Variants in MAGI1 observed in about 807,000 individuals in gnomAD.
The protein encoded by MAGI1 is membrane-associated guanylate kinase, WW and PDZ domain-containing protein 1.
A neutral mutation model predicts 139.9 loss-of-function variants in MAGI1; 58 were observed. The observed-to-expected ratio is 0.41, with a 90% confidence interval of 0.34 to 0.52. The LOEUF is 0.52. MAGI1 is among the 20% of genes least tolerant of loss of function. The pLI is 0.12. For missense variants in MAGI1, 1,874 were observed against 1,901.6 expected (o/e 0.99, Z 0.27); for synonymous variants, 812 against 737.9 (o/e 1.10, Z -1.63).
intron 1 of MAGI1, among the ~76,000 whole-genome samples, chr3:65,842,116 C>T (rs1313174180): frequency 2.0e-5 from 3 of 152,182 alleles, no homozygotes; most frequent in South Asian, 4.1e-4. Context: ...ACTGCCATTT[C>T]TCAAACGTCA....
At chr3:65,572,867 G>C (rs1365307968) in intron 2 of MAGI1, among the ~76,000 whole-genome samples, 1 of 151,382 alleles carries the variant, frequency 6.6e-6, no homozygotes, top group Non-Finnish European at 1.5e-5. Context: ...GCAGCAACTA[G>C]ATCATAGGAA....
At chr3:65,538,588 G>A (rs1432019015) in intron 2 of MAGI1, among the ~76,000 whole-genome samples, 1 of 152,122 alleles carries the variant, frequency 6.6e-6, no homozygotes, top group African/African-American at 2.4e-5. Context: ...AATACAATAT[G>A]AAGGATATCA....
chr3:65,991,445 A>G (rs1050903456), intron 1 of MAGI1, among the ~76,000 whole-genome samples: 5 of 152,048 alleles, frequency 3.3e-5, no homozygotes, highest in Non-Finnish European at 7.3e-5. Flanking sequence ...CAATGGTACT[A>G]TGAAAGTGTT....
chr3:65,729,218 A>G (rs1396189540), intron 1 of MAGI1, among the ~76,000 whole-genome samples: 1 of 148,264 alleles, frequency 6.7e-6, no homozygotes, highest in Non-Finnish European at 1.5e-5. Flanking sequence ...CTGCTTATCT[A>G]TTCCTGACAG....
At chr3:65,667,280 G>A (rs2086591932) in intron 1 of MAGI1, among the ~76,000 whole-genome samples, 1 of 152,176 alleles carries the variant, frequency 6.6e-6, no homozygotes, top group African/African-American at 2.4e-5. Flanking sequence ...GGACCAGCAT[G>A]GGAGGGGAGG....
At chr3:65,839,174 T>C (rs1231383902) in intron 1 of MAGI1, among the ~76,000 whole-genome samples, 2 of 152,162 alleles carry the variant, frequency 1.3e-5, no homozygotes, top group African/African-American at 4.8e-5. Context: ...AAAATTACAA[T>C]GGAGCTGAAA....
In MAGI1 at chr3:66,012,864, G is replaced by C. The variant is rs548022851; in HGVS notation, c.313+25132C>G. On this transcript the variant is annotated intron_variant, in intron 1 of 22. Coordinates refer to ENST00000402939, the MANE Select transcript of MAGI1 (RefSeq NM_001033057.2). ...TGCCCCTGTAATGTCCGGTAAATCT[G>C]AATCACTGCTATTTTTTAACTGCAG... 5.2e-4 allele frequency among the ~76,000 whole-genome samples: 79 copies of C among 151,960 alleles called. 1 individual carries two copies. The Middle Eastern group carries it at 0.014, about 26-fold the overall frequency.
intron 12 of MAGI1, among the ~76,000 whole-genome samples, chr3:65,427,132 G>A (rs1288544369): frequency 6.6e-6 from 1 of 152,066 alleles, no homozygotes; most frequent in Non-Finnish European, 1.5e-5. Context: ...TGGGTAACAT[G>A]GAGAAATCAT....
chr3:65,381,055 A>G (rs866058395), intron 16 of MAGI1, among the ~76,000 whole-genome samples: 52 of 152,168 alleles, frequency 3.4e-4, no homozygotes, highest in Middle Eastern at 3.4e-3. Flanking sequence ...GAAGACAATC[A>G]CCTCTGCTGC....
At chr3:65,813,548 G>GA (rs1381859601) in intron 1 of MAGI1, among the ~76,000 whole-genome samples, 9 of 152,162 alleles carry the variant, frequency 5.9e-5, no homozygotes, top group Non-Finnish European at 8.8e-5. Context: ...TGGGGATATA[G>GA]AAAAAGAGCA....
At position 65,429,970 on chromosome 3, in the gene MAGI1, C is replaced by T. The variant is rs1575715479; in HGVS notation, c.1717G>A (p.Val573Ile). ...DDPNTSLVTSVAILDKEPIIV... is the reference protein window; with the variant it reads ...DDPNTSLVTSIAILDKEPIIV... ...ATTGGTTCTTTATCCAAAATGGCTACCGAGGTCACTAAACTTGTATTGGGG... is the reference window on the plus strand; with the variant it reads ...ATTGGTTCTTTATCCAAAATGGCTATCGAGGTCACTAAACTTGTATTGGGG... The change falls in exon 12 of 23, where the codon GTA becomes ATA. Residue 573 changes from valine (V) to isoleucine (I), a missense_variant. Coordinates refer to ENST00000402939, the MANE Select transcript of MAGI1 (RefSeq NM_001033057.2). 2.5e-6 allele frequency: 4 copies of T among 1,613,840 alleles called. No homozygotes were observed. Among genetic ancestry groups the T allele is most frequent in the Non-Finnish European group, 3.4e-6 (4 of 1,179,964 alleles).
At position 65,669,426 on chromosome 3, in the gene MAGI1, C is replaced by A. The variant is rs543729168; in HGVS notation, c.314-47338G>T. Among the ~76,000 whole-genome samples, 5 of 152,228 alleles carry A rather than the reference C, an allele frequency of 3.3e-5. 1 individual carries two copies. In the South Asian group the frequency reaches 1.0e-3, roughly 32 times the overall value. On this transcript the variant is annotated intron_variant, in intron 1 of 22. Coordinates refer to ENST00000402939, the MANE Select transcript of MAGI1 (RefSeq NM_001033057.2). ...TTTCCCTGGCATTTTTCTGTTAAAG[C>A]TTTGATTAACTTTCTCAAAGCACTC...
chr3:65,749,985 G>T (rs62244006), intron 1 of MAGI1, among the ~76,000 whole-genome samples: 1 of 151,996 alleles, frequency 6.6e-6, no homozygotes, highest in Non-Finnish European at 1.5e-5. Context: ...TGAGAGATGG[G>T]GTCAGGAAGG....
At chr3:65,931,076 AG>A (rs1414766079) in intron 1 of MAGI1, among the ~76,000 whole-genome samples, 1 of 143,856 alleles carries the variant, frequency 7.0e-6, no homozygotes, top group Non-Finnish European at 1.6e-5. Flanking sequence ...TCTGTGTCCC[AG>A]GGTAGAGTGC....
intron 1 of MAGI1, among the ~76,000 whole-genome samples, chr3:65,898,857 A>G (rs980938738): frequency 1.7e-4 from 26 of 152,326 alleles, no homozygotes; most frequent in African/African-American, 6.3e-4. Context: ...TATGTACCCC[A>G]TGAATATGTA....
At chr3:65,377,210 TGGAA>T (rs1168725675) in intron 17 of MAGI1, among the ~76,000 whole-genome samples, 1 of 152,208 alleles carries the variant, frequency 6.6e-6, no homozygotes, top group East Asian at 1.9e-4. Context: ...TATCACAGAA[TGGAA>T]CACCAAGGTA....
chr3:65,980,506 C>T (rs531872475), intron 1 of MAGI1, among the ~76,000 whole-genome samples: 12 of 148,606 alleles, frequency 8.1e-5, no homozygotes, highest in Non-Finnish European at 1.3e-4. Context: ...AAGGTTGCAG[C>T]GAGCCAAGAT....
chr3:65,717,634 A>G (rs1467867604), intron 1 of MAGI1: 3 of 152,234 alleles, frequency 2.0e-5, no homozygotes, highest in Non-Finnish European at 4.4e-5. Context: ...TGAGGACAAC[A>G]TAAAAACGGA....
chr3:65,677,730 T>A (rs1038589086), intron 1 of MAGI1, among the ~76,000 whole-genome samples: 1 of 152,128 alleles, frequency 6.6e-6, no homozygotes, highest in Non-Finnish European at 1.5e-5. Context: ...ACGTCAAAGG[T>A]CAAACTCTTC....
Sources: gnomAD v4.1 joint callset for allele counts (sites outside exome capture counted in the v4.1 genomes callset) on GRCh38, gnomAD v4.1.1 for gene constraint, MANE v1.5 for transcripts, NCBI Gene and HGNC (gene_info 2026-07-23, HGNC 2026-07-21) for gene names.